Variants in PDE6H observed in about 807,000 individuals in gnomAD.
PDE6H encodes the protein retinal cone rhodopsin-sensitive cGMP 3',5'-cyclic phosphodiesterase subunit gamma.
PDE6H carries 11 observed loss-of-function variants against 9.2 expected under a neutral mutation model. The ratio of observed to expected loss-of-function variants is 1.19; its 90% confidence interval spans 0.75 to 1.97. The LOEUF (loss-of-function observed/expected upper bound fraction) is 1.97. PDE6H is among the 30% of genes most tolerant of loss of function. The pLI is 0.00. For synonymous variants in PDE6H, 36 were observed against 33.6 expected, an observed-to-expected ratio of 1.07 and a Z score of -0.25; for missense variants, 98 against 101.5, an observed-to-expected ratio of 0.97 and a Z score of 0.15.
At chr12:14,973,949 T>G (rs181253437) in intron 1 of PDE6H, among the ~76,000 whole-genome samples, 38 of 152,328 alleles carry the variant, frequency 2.5e-4, no homozygotes, top group Admixed American at 2.2e-3. Flanking sequence ...AAGATGATTT[T>G]TTGCTTTATA....
At chr12:14,975,266 A>T (rs1864574261) in intron 1 of PDE6H, among the ~76,000 whole-genome samples, 1 of 152,228 alleles carries the variant, frequency 6.6e-6, no homozygotes, top group Non-Finnish European at 1.5e-5. Flanking sequence ...CCAGAAAAAA[A>T]ATGACTTTTT....
chr12:14,979,688 T>C (rs904305119), intron 3 of PDE6H, among the ~76,000 whole-genome samples: 1 of 152,196 alleles, frequency 6.6e-6, no homozygotes, highest in Non-Finnish European at 1.5e-5. Context: ...TTTTTACACA[T>C]CCTCTAGCAC....
chr12:14,976,194 C>A (rs78383120), intron 1 of PDE6H, among the ~76,000 whole-genome samples: 1 of 152,234 alleles, frequency 6.6e-6, no homozygotes, highest in East Asian at 1.9e-4. Flanking sequence ...GTACACCATG[C>A]ACTGTTGTAG....
At chr12:14,975,628 C>G (rs1011854383) in intron 1 of PDE6H, among the ~76,000 whole-genome samples, 1 of 151,996 alleles carries the variant, frequency 6.6e-6, no homozygotes, top group Admixed American at 6.6e-5. Context: ...GGGACAGACA[C>G]AAGGTTTGCC....
At chr12:14,977,052 G>T (rs560750209) in intron 1 of PDE6H, among the ~76,000 whole-genome samples, 1 of 152,370 alleles carries the variant, frequency 6.6e-6, no homozygotes, top group South Asian at 2.1e-4. Context: ...CCGTGGTGTG[G>T]ATAGAAGAAG....
chr12:14,980,785 A>AT (rs1864670169), intron 3 of PDE6H, among the ~76,000 whole-genome samples: 2 of 152,180 alleles, frequency 1.3e-5, no homozygotes, highest in African/African-American at 4.8e-5. Context: ...TCTCAGCTCT[A>AT]CAACTATGTG....
Position 14,979,412 on chromosome 12 carries a change from GA to G in PDE6H, c.175+196del, listed in dbSNP as rs547468455. ...GTGCCCAGATACAAAAGCCCTAAAA[GA>G]AATCAGGGTAGGCCCAAAATTTCAT... On this transcript the variant is annotated intron_variant, in intron 3 of 3. Transcript: ENST00000266395. Among the ~76,000 whole-genome samples, 9 of 152,278 alleles carry G rather than the reference GA, an allele frequency of 5.9e-5. No individual in the cohort carries two copies. In the East Asian group the frequency reaches 1.5e-3, roughly 26 times the overall value.
At chr12:14,975,328 ATTAT>A (rs943137963) in intron 1 of PDE6H, among the ~76,000 whole-genome samples, 3 of 151,744 alleles carry the variant, frequency 2.0e-5, no homozygotes, top group African/African-American at 7.3e-5. Flanking sequence ...ACTAAAAAAA[ATTAT>A]TTCTTTGTAA....
chr12:14,974,163 T>C (rs117691079), intron 1 of PDE6H, among the ~76,000 whole-genome samples: 1 of 152,236 alleles, frequency 6.6e-6, no homozygotes, highest in East Asian at 1.9e-4. Flanking sequence ...GAGGAAAAAA[T>C]ATGAAACTTC....
intron 1 of PDE6H, among the ~76,000 whole-genome samples, chr12:14,977,592 G>A (rs1237441883): frequency 6.6e-6 from 1 of 152,154 alleles, no homozygotes; most frequent in African/African-American, 2.4e-5. Context: ...ATTTTAATTT[G>A]TTATACCTAA....
At chr12:14,979,775 A>G (rs1251435961) in intron 3 of PDE6H, among the ~76,000 whole-genome samples, 1 of 152,236 alleles carries the variant, frequency 6.6e-6, no homozygotes, top group African/African-American at 2.4e-5. Context: ...TGTATCATAC[A>G]ATGAATGCAA....
In PDE6H at chr12:14,979,100, C is replaced by G. The variant is rs2233624; in HGVS notation, c.135-79C>G. On this transcript the variant is annotated intron_variant, in intron 2 of 3. Coordinates refer to ENST00000266395, the MANE Select transcript of PDE6H (RefSeq NM_006205.3). ...AACCTCTCCTTCTTCCCCCTTGAAT[C>G]AAGAAACTCTCCATGTGAGTGACTC... 3.4e-3 allele frequency: 3,087 copies of G among 909,872 alleles called. 75 individuals carry two copies. The African/African-American group carries it at 0.046, about 13-fold the overall frequency. The allele number at this position is 909,872 out of a possible 1,614,324, so 56.4% of individuals were successfully genotyped here. A position where few individuals can be genotyped will look rare whatever the true frequency, so the allele number is the denominator to read the frequency against.
Position 14,978,070 on chromosome 12 carries a change from C to T in PDE6H, c.58C>T (p.Arg20Cys), listed in dbSNP as rs753392540. The T allele has an allele frequency of 1.3e-5, 21 of 1,613,504 alleles. No individual in the cohort carries two copies. Among genetic ancestry groups the T allele is most frequent in the Non-Finnish European group, 1.4e-5 (17 of 1,179,858 alleles). ...PASNQGPTTPRKGPPKFKQRQ... is the reference protein window; with the variant it reads ...PASNQGPTTPCKGPPKFKQRQ... ...TTCAAACCAGGGTCCTACCACCCCA[C>T]GCAAAGGCCCTCCCAAGTTCAAGCA... Residue 20 changes from arginine to cysteine, a missense_variant, in exon 2 of 4, where the codon CGC becomes TGC. Transcript: ENST00000266395.
chr12:14,980,820 C>T (rs1251721725), intron 3 of PDE6H, among the ~76,000 whole-genome samples: 1 of 152,184 alleles, frequency 6.6e-6, no homozygotes, highest in Non-Finnish European at 1.5e-5. Flanking sequence ...TTTCATCTTT[C>T]TGTGTGTCAG....
intron 2 of PDE6H, among the ~76,000 whole-genome samples, chr12:14,978,670 C>T (rs1231891291): frequency 2.0e-5 from 3 of 152,200 alleles, no homozygotes; most frequent in Non-Finnish European, 4.4e-5. Flanking sequence ...GTACATTCAG[C>T]TATCATAACT....
At chr12:14,977,161 G>C (rs1179909540) in intron 1 of PDE6H, among the ~76,000 whole-genome samples, 2 of 152,192 alleles carry the variant, frequency 1.3e-5, no homozygotes, top group Non-Finnish European at 2.9e-5. Flanking sequence ...ATTAACTTCT[G>C]TATGTGCGTG....
Position 14,979,205 on chromosome 12 carries a change from A to G in PDE6H, c.161A>G (p.Glu54Gly). The G allele has an allele frequency of 1.2e-6, 2 of 1,608,702 alleles. No individual in the cohort carries two copies. The highest frequency in any genetic ancestry group is 1.7e-6 in the Non-Finnish European group (2 of 1,175,140). ...TTTGGAGATGACATTCCAGGAATGG[A>G]GGGGCTAGGAACAGGTAAGCCATCC... ...KGFGDDIPGM[E>G]GLGTDITVIC... Residue 54 changes from glutamate (E) to glycine (G), a missense_variant, in exon 3 of 4, where the codon GAG becomes GGG. By Grantham distance (98) the Glu-to-Gly change is moderately conservative. Transcript: ENST00000266395.
In PDE6H at chr12:14,980,047, A is replaced by G. The variant is rs191182283; in HGVS notation, c.175+828A>G. Among the ~76,000 whole-genome samples, 87 of 152,348 alleles carry G rather than the reference A, an allele frequency of 5.7e-4. 2 individuals are homozygous for G. The East Asian group carries it at 0.015, about 26-fold the overall frequency. On this transcript the variant is annotated intron_variant, in intron 3 of 3. Transcript: ENST00000266395. Reference sequence around the variant, plus strand: ...TGTAAAGTTCTAAGGGTTTTGATAAATACCATGTACCCACCATTATAGTAC... The same window carrying G: ...TGTAAAGTTCTAAGGGTTTTGATAAGTACCATGTACCCACCATTATAGTAC...
At chr12:14,979,903 TAC>T (rs961588746) in intron 3 of PDE6H, among the ~76,000 whole-genome samples, 95 of 152,310 alleles carry the variant, frequency 6.2e-4, no homozygotes, top group African/African-American at 2.1e-3. Flanking sequence ...TCTCCCCTTT[TAC>T]ACAGTTTCCT....
Sources: allele counts gnomAD v4.1 joint callset (sites outside exome capture counted in the v4.1 genomes callset), GRCh38; gene constraint gnomAD v4.1.1; transcripts MANE v1.5; gene names NCBI Gene and HGNC (gene_info 2026-07-23, HGNC 2026-07-21).